Variants in RNF38 observed in about 807,000 individuals in gnomAD.
RNF38 encodes ring finger protein 38, also known as E3 ubiquitin-protein ligase RNF38.
Under a neutral mutation model 67.2 loss-of-function variants are expected in RNF38, and 15 were observed. The ratio of observed to expected loss-of-function variants is 0.22; its 90% CI spans 0.15 to 0.34. The LOEUF is 0.34. RNF38 is among the 10% of genes least tolerant of loss of function. The pLI is 1.00. For missense variants in RNF38, 524 were observed against 639.9 expected (o/e 0.82, Z 1.95); for synonymous variants, 220 against 218.8 (o/e 1.01, Z -0.05).
intron 4 of RNF38, among the ~76,000 whole-genome samples, chr9:36,358,552 A>G (rs764065617): frequency 2.6e-5 from 4 of 152,186 alleles, no homozygotes; most frequent in Non-Finnish European, 4.4e-5. Context: ...TTAATACTAC[A>G]TTGCAGGTAT....
chr9:36,351,023 A>C, intron 9 of RNF38, 92 bp downstream of exon 9: 1 of 893,152 alleles, frequency 1.1e-6, no homozygotes, highest in Non-Finnish European at 1.8e-6. Flanking sequence ...AGGAAGCCAA[A>C]AGATTGGACA....
At chr9:36,451,370 C>T (rs1426832869) in intron 1 of RNF38, among the ~76,000 whole-genome samples, 2 of 150,972 alleles carry the variant, frequency 1.3e-5, no homozygotes, top group African/African-American at 4.9e-5. Context: ...GAGGCTGAGA[C>T]AGGAGAATCG....
chr9:36,358,005 A>C, intron 4 of RNF38, 63 bp from the exon 5 acceptor site: 2 of 1,408,492 alleles, frequency 1.4e-6, no homozygotes, highest in Non-Finnish European at 2.0e-6. Flanking sequence ...ACTATTCAAA[A>C]TCAACATTTG....
At chr9:36,395,224 G>T (rs146754703) in intron 1 of RNF38, among the ~76,000 whole-genome samples, 8 of 152,142 alleles carry the variant, frequency 5.3e-5, no homozygotes, top group African/African-American at 1.7e-4. Context: ...AGACTTGCAG[G>T]TATTATTAGT....
At chr9:36,401,136 C>G, upstream of RNF38, 1 of 985,106 alleles carries the variant, frequency 1.0e-6, no homozygotes, top group Non-Finnish European at 1.2e-6. Context: ...GAGCGCTCCT[C>G]CCTTTTCCCC....
intron 2 of RNF38, among the ~76,000 whole-genome samples, chr9:36,383,010 C>T (rs1378005918): frequency 6.6e-6 from 1 of 152,076 alleles, no homozygotes; most frequent in South Asian, 2.1e-4. Context: ...ATATAAGCAA[C>T]TTGTTACTAA....
chr9:36,457,489 A>G (rs539057127), intron 1 of RNF38, among the ~76,000 whole-genome samples: 9 of 152,344 alleles, frequency 5.9e-5, no homozygotes, highest in African/African-American at 1.9e-4. Flanking sequence ...GGGCACAGAC[A>G]TTAATATTTA....
chr9:36,405,185 T>G (rs986815524), upstream of RNF38, among the ~76,000 whole-genome samples: 7 of 152,106 alleles, frequency 4.6e-5, no homozygotes, highest in South Asian at 2.1e-4. Context: ...GAGAATCACT[T>G]GAACCCAGGA....
intron 1 of RNF38, among the ~76,000 whole-genome samples, chr9:36,433,972 C>T (rs1203391042): frequency 6.6e-6 from 1 of 151,800 alleles, no homozygotes; most frequent in African/African-American, 2.4e-5. Context: ...GGCGCGGTGG[C>T]TCATGCCTGT....
At chr9:36,425,138 TTTA>T (rs1334106073) in intron 1 of RNF38, among the ~76,000 whole-genome samples, 1 of 152,226 alleles carries the variant, frequency 6.6e-6, no homozygotes, top group Admixed American at 6.5e-5. Context: ...TTTAAATGTT[TTTA>T]TTATTTTAAA....
At chr9:36,407,357 C>T (rs1838207727) in intron 2 of RNF38, among the ~76,000 whole-genome samples, 1 of 152,098 alleles carries the variant, frequency 6.6e-6, no homozygotes, top group African/African-American at 2.4e-5. Flanking sequence ...ATGACTTGGA[C>T]TGAACCATGG....
Position 36,336,508 on chromosome 9 carries a change from T to G in RNF38, c.*3244A>C, listed in dbSNP as rs1832450182. 6.6e-6 allele frequency: 1 copy of G among 152,546 alleles called. No homozygotes were observed. The highest frequency in any genetic ancestry group is 2.4e-5 in the African/African-American group (1 of 41,414). The allele number at this position is 152,546 out of a possible 1,614,324, so 9.4% of individuals were successfully genotyped here. ...GCACTACTTAGTAAAGCATTACTAGTAACTTTCATAAAAAATGTACAAACT... is the reference window on the plus strand; with the variant it reads ...GCACTACTTAGTAAAGCATTACTAGGAACTTTCATAAAAAATGTACAAACT... On this transcript the variant is annotated 3_prime_UTR_variant, in exon 12 of 12. Transcript: ENST00000259605.
intron 1 of RNF38, among the ~76,000 whole-genome samples, chr9:36,448,884 C>T (rs1419535106): frequency 1.3e-5 from 2 of 152,070 alleles, no homozygotes; most frequent in African/African-American, 2.4e-5. Flanking sequence ...ATCCCAGCTA[C>T]TCGGGAGGCT....
chr9:36,385,109 C>T (rs548023176), intron 2 of RNF38, among the ~76,000 whole-genome samples: 4 of 151,650 alleles, frequency 2.6e-5, no homozygotes, highest in African/African-American at 7.3e-5. Context: ...TGAAAAAGCT[C>T]GGTTAAGTGG....
chr9:36,366,242 GCATT>G (rs1834949378), intron 4 of RNF38, among the ~76,000 whole-genome samples: 2 of 151,922 alleles, frequency 1.3e-5, no homozygotes, highest in Admixed American at 6.6e-5. Context: ...AGCCACAACA[GCATT>G]ATTATATTTT....
In RNF38 at chr9:36,351,954, C is replaced by T. The variant is rs570054989; in HGVS notation, c.1179-755G>A. 1.8e-4 allele frequency among the ~76,000 whole-genome samples: 28 copies of T among 152,234 alleles called. No individual in the cohort carries two copies. In the South Asian group the frequency reaches 4.8e-3, roughly 26 times the overall value. On this transcript the variant is annotated intron_variant, in intron 8 of 11. Coordinates refer to ENST00000259605, the MANE Select transcript of RNF38 (RefSeq NM_022781.5). ...ACATTGTTCATAGTCACAGGGCTAA[C>T]GAAATCATCGTTGAGCTGCCTACTT...
chr9:36,372,629 T>TG, intron 3 of RNF38: 1 of 656,774 alleles, frequency 1.5e-6, no homozygotes, highest in Non-Finnish European at 2.8e-6. Context: ...GAATACAGAG[T>TG]AAGACACACT....
intron 7 of RNF38, 110 bp from the exon 8 acceptor site, chr9:36,352,958 C>G (rs1473829513): frequency 3.4e-6 from 3 of 882,960 alleles, no homozygotes; most frequent in Non-Finnish European, 5.3e-6. Flanking sequence ...CTTTATTGTT[C>G]AAAGTTTTAA....
intron 5 of RNF38, among the ~76,000 whole-genome samples, 184 bp downstream of exon 5, chr9:36,357,591 T>C (rs892807328): frequency 6.6e-6 from 1 of 152,244 alleles, no homozygotes; most frequent in Non-Finnish European, 1.5e-5. Flanking sequence ...ATTGAGATTT[T>C]TATTGCAATA....
Sources: allele counts gnomAD v4.1 joint callset (sites outside exome capture counted in the v4.1 genomes callset), GRCh38; gene constraint gnomAD v4.1.1; transcripts MANE v1.5; gene names NCBI Gene and HGNC (gene_info 2026-07-23, HGNC 2026-07-21).